The following IFT172 variants were observed in gnomAD, a reference collection of about 807,000 sequenced individuals.
The protein encoded by IFT172 is intraflagellar transport protein 172 homolog.
A neutral mutation model predicts 248.9 loss-of-function variants in IFT172; 164 were observed. The ratio of observed to expected loss-of-function variants is 0.66; its 90% CI spans 0.58 to 0.75. IFT172 has a LOEUF of 0.75. Ranked by LOEUF, IFT172 falls within the 30% of genes least tolerant of loss-of-function variation. The pLI is 0.00. For synonymous variants in IFT172, 729 were observed against 791.6 expected (o/e 0.92, Z 1.33); for missense variants, 1,950 against 2,192.4 (o/e 0.89, Z 2.21).
chr2:27,445,689 T>G lies in IFT172; in HGVS notation c.4914+56A>C. ...GATGGCAGCACAAAGATATTCTCCC[T>G]CCTCAAGGCACTCACACTGGTGAGG... is the stretch of plus-strand genomic sequence containing the variant. On this transcript the variant is annotated intron_variant, in intron 45 of 47. Coordinates refer to ENST00000260570, the MANE Select transcript of IFT172 (RefSeq NM_015662.3). The surrounding 1 kb of genome is among the most constrained non-coding windows in gnomAD (Gnocchi z 4.4). 6.3e-7 allele frequency: 1 copy of G among 1,585,994 alleles called. No homozygotes were observed. The highest frequency in any genetic ancestry group is 8.6e-7 in the Non-Finnish European group (1 of 1,156,198).
At chr2:27,448,887 ACATT>A (rs1167617859) in intron 40 of IFT172, 24 bp downstream of exon 40, 2 of 1,058,232 alleles carry the variant, frequency 1.9e-6, no homozygotes, top group Admixed American at 1.7e-5. Context: ...TCTTGTGGAA[ACATT>A]CAACCCAAGG....
chr2:27,475,176 G>T (rs902343369), intron 14 of IFT172, among the ~76,000 whole-genome samples: 4 of 151,932 alleles, frequency 2.6e-5, no homozygotes, highest in Non-Finnish European at 5.9e-5. Context: ...AAATTATGAA[G>T]TCAGGCAATT....
chr2:27,472,925 G>T (rs1048359279), intron 14 of IFT172, among the ~76,000 whole-genome samples: 1 of 152,132 alleles, frequency 6.6e-6, no homozygotes, highest in Admixed American at 6.5e-5. Context: ...GGGGTCTCTT[G>T]ATCAAAGCCT....
In IFT172 at chr2:27,489,726, G is replaced by T; in HGVS notation, c.-73C>A. 2.4e-6 allele frequency: 3 copies of T among 1,236,104 alleles called. No individual in the cohort carries two copies. Among genetic ancestry groups the T allele is most frequent in the African/African-American group, 3.0e-5 (2 of 67,284 alleles). The allele number at this position is 1,236,104 out of a possible 1,614,324, so 76.6% of individuals were successfully genotyped here. A position where few individuals can be genotyped will look rare whatever the true frequency, so the allele number is the denominator to read the frequency against. ...GGTTACCTGGACAACCCGCCACGCA[G>T]CCGCAGCGACAGGCACTGACGCTTA... On this transcript the variant is annotated 5_prime_UTR_variant, in exon 1 of 48. The change creates a new upstream start codon in the 5' untranslated region. Coordinates refer to ENST00000260570, the MANE Select transcript of IFT172 (RefSeq NM_015662.3).
At chr2:27,474,410 A>C (rs1313130704) in intron 14 of IFT172, among the ~76,000 whole-genome samples, 1 of 152,254 alleles carries the variant, frequency 6.6e-6, no homozygotes, top group Admixed American at 6.5e-5. Context: ...TATGGAAAAA[A>C]ATAAAATTAG....
chr2:27,475,025 A>G (rs1667865375), intron 14 of IFT172, among the ~76,000 whole-genome samples: 1 of 152,230 alleles, frequency 6.6e-6, no homozygotes, highest in Admixed American at 6.5e-5. Context: ...ACTCCTTCAA[A>G]TCAATGAGGA....
Position 27,472,273 on chromosome 2 carries a change from G to C in IFT172, c.1501C>G (p.Leu501Val), listed in dbSNP as rs760810237. ...ACACGAAGTTTCCGGTCCCTGAAGA[G>C]GAGCTTGTGTCCAGTCTCATTAAGT... ...LELNETGHKL[L>V]FRDRKLRLHL... The change falls in exon 15 of 48, where the codon CTC becomes GTC. Residue 501 changes from leucine (L) to valine (V), a missense_variant. By Grantham distance (32) the Leu-to-Val change is conservative. Transcript: ENST00000260570. 6.2e-7 allele frequency: 1 copy of C among 1,614,020 alleles called. No homozygotes were observed. Among genetic ancestry groups the C allele is most frequent in the Admixed American group, 1.7e-5 (1 of 60,020 alleles).
intron 16 of IFT172, among the ~76,000 whole-genome samples, chr2:27,467,167 A>C (rs1171050394): frequency 6.6e-6 from 1 of 152,180 alleles, no homozygotes; most frequent in Non-Finnish European, 1.5e-5. Flanking sequence ...GAAATAATCA[A>C]ATAAAACTTA....
chr2:27,449,706 T>G lies in IFT172; in HGVS notation c.4145A>C (p.Lys1382Thr). The G allele has an allele frequency of 6.2e-7, 1 of 1,613,304 alleles. No homozygotes were observed. Among genetic ancestry groups the G allele is most frequent in the South Asian group, 1.1e-5 (1 of 91,022 alleles). ...ACAAGCTTACCTGGGATCTAACTCC[T>G]TAGCTACACGCTTCGCCTTGTTCCA... is the stretch of plus-strand genomic sequence containing the variant. Reference protein sequence around the residue: ...EEWNKAKRVAKELDPRYEDYV... With the variant: ...EEWNKAKRVATELDPRYEDYV... The change falls in exon 37 of 48, where the codon AAG (lysine) becomes ACG (threonine). Residue 1382 changes from lysine (K) to threonine (T), a missense_variant. This residue lies in a region of IFT172 where 620 missense variants were observed against 699.0 expected (regional missense o/e 0.89). Transcript: ENST00000260570.
intron 16 of IFT172, among the ~76,000 whole-genome samples, chr2:27,466,778 A>G (rs1667115054): frequency 6.6e-6 from 1 of 152,026 alleles, no homozygotes; most frequent in Admixed American, 6.6e-5. Context: ...TTTCGAGACC[A>G]AGGTGGGAGG....
At position 27,445,767 on chromosome 2, in the gene IFT172, A is replaced by G; in HGVS notation, c.4892T>C (p.Leu1631Pro). The part of the protein sequence containing the change: ...QDTDIPFEVP[L>P]PAKQHVPEAE... ...TACCGGTACATGCTGCTTAGCTGGG[A>G]GTGGCACCTCAAAGGGAATGTCTGT... is the stretch of plus-strand genomic sequence containing the variant. Residue 1631 changes from leucine to proline, a missense_variant, in exon 45 of 48, where the codon CTC becomes CCC. By Grantham distance (98) the Leu-to-Pro change is moderately conservative. Coordinates refer to ENST00000260570, the MANE Select transcript of IFT172 (RefSeq NM_015662.3). The surrounding 1 kb of genome is among the most constrained non-coding windows in gnomAD (Gnocchi z 4.4). The G allele has an allele frequency of 6.2e-7, 1 of 1,614,118 alleles. No individual in the cohort carries two copies. The highest frequency in any genetic ancestry group is 8.5e-7 in the Non-Finnish European group (1 of 1,180,030).
In IFT172 at chr2:27,453,675, G is replaced by A. The variant is rs1163562316; in HGVS notation, c.3776C>T (p.Ala1259Val). The A allele has an allele frequency of 6.2e-7, 1 of 1,612,548 alleles. No homozygotes were observed. Among genetic ancestry groups the A allele is most frequent in the Non-Finnish European group, 8.5e-7 (1 of 1,179,552 alleles). The change falls in exon 34 of 48, where the codon GCT (alanine) becomes GTT (valine). Residue 1259 changes from alanine to valine, a missense_variant. This residue lies in a region of IFT172 where 620 missense variants were observed against 699.0 expected (regional missense o/e 0.89). Coordinates refer to ENST00000260570, the MANE Select transcript of IFT172 (RefSeq NM_015662.3). Reference sequence around the variant, plus strand: ...TTCCCGCTCATATTCTTCCTGCAGAGCCTCCAGCTGGCTGGGCACATAGTC... The same window carrying A: ...TTCCCGCTCATATTCTTCCTGCAGAACCTCCAGCTGGCTGGGCACATAGTC... ...CKDYVPSQLE[A>V]LQEEYEREAT...
intron 16 of IFT172, among the ~76,000 whole-genome samples, chr2:27,467,418 GAAAAA>G (rs34115935): frequency 0.017 from 279 of 16,392 alleles, 1 homozygote; most frequent in African/African-American, 0.06. Flanking sequence ...ACAGAAAATT[GAAAAA>G]AAAAAAAAAA....
chr2:27,475,122 G>T (rs1406847548), intron 14 of IFT172, among the ~76,000 whole-genome samples: 2 of 152,150 alleles, frequency 1.3e-5, no homozygotes, highest in Non-Finnish European at 2.9e-5. Flanking sequence ...TATTATATAT[G>T]AAATTAATAT....
intron 17 of IFT172, 76 bp from the exon 18 acceptor site, chr2:27,465,594 C>A (rs760110327): frequency 1.3e-6 from 2 of 1,543,080 alleles, no homozygotes; most frequent in East Asian, 2.2e-5. Context: ...GGTGATGGGG[C>A]AAGGGGAGGG....
chr2:27,445,742 T>A lies in IFT172; in HGVS notation c.4914+3A>T. On this transcript the variant is annotated splice_donor_region_variant and intron_variant, in intron 45 of 47. Transcript: ENST00000260570. This position sits in a 1 kb window ranked among gnomAD's most constrained non-coding sequence, Gnocchi z 4.4. ...TTCCGGTTTTCCAACCCTGTGCCCT[T>A]ACCGGTACATGCTGCTTAGCTGGGA... is the stretch of plus-strand genomic sequence containing the variant. 6.2e-7 allele frequency: 1 copy of A among 1,614,122 alleles called. No homozygotes were observed. The highest frequency in any genetic ancestry group is 1.7e-5 in the Admixed American group (1 of 60,026).
chr2:27,446,597 T>C, intron 42 of IFT172: 1 of 353,668 alleles, frequency 2.8e-6, no homozygotes, highest in Non-Finnish European at 5.2e-6. Context: ...CACTGCAACC[T>C]CTGCCTCCCG....
In IFT172 at chr2:27,444,914, G is replaced by A; in HGVS notation, c.5160+100C>T. On this transcript the variant is annotated intron_variant, in intron 47 of 47. Transcript: ENST00000260570. ...TCCGCCCACCTTGGCCTCCCAAAGTGCTGGGATTAAAGGTATGAGCCACTG... is the reference window on the plus strand; with the variant it reads ...TCCGCCCACCTTGGCCTCCCAAAGTACTGGGATTAAAGGTATGAGCCACTG... The A allele has an allele frequency of 7.6e-6, 10 of 1,310,308 alleles. No individual in the cohort carries two copies. The South Asian group carries it at 8.4e-5, about 11-fold the overall frequency. 81.2% of individuals were successfully genotyped at this position (1,310,308 alleles called of 1,614,324 possible).
chr2:27,474,910 AACAGTAAAAG>A (rs1055910373), intron 14 of IFT172, among the ~76,000 whole-genome samples: 9 of 152,204 alleles, frequency 5.9e-5, no homozygotes, highest in Admixed American at 5.2e-4. Flanking sequence ...GAAATGTCTG[AACAGTAAAAG>A]ACTCCCAAAA....
Sources: gnomAD v4.1 joint callset for allele counts (sites outside exome capture counted in the v4.1 genomes callset) on GRCh38, gnomAD v4.1.1 for gene constraint, gnomAD v4.1.1 regional missense constraint, Gnocchi (gnomAD v3.1) non-coding constraint, MANE v1.5 for transcripts, NCBI Gene and HGNC (gene_info 2026-07-23, HGNC 2026-07-21) for gene names.